The following SLC9A9 variants were observed in gnomAD, a reference collection of about 807,000 sequenced individuals.
SLC9A9 encodes sodium/hydrogen exchanger 9.
A neutral mutation model predicts 77.8 loss-of-function variants in SLC9A9; 62 were observed. The observed-to-expected ratio is 0.80, with a 90% confidence interval of 0.65 to 0.98. The LOEUF (loss-of-function observed/expected upper bound fraction) is 0.98. SLC9A9 is among the 50% of genes least tolerant of loss of function. The pLI is 0.00. For synonymous variants in SLC9A9, 320 were observed against 283.5 expected (o/e 1.13, Z -1.29); for missense variants, 775 against 774.9 (o/e 1.00, Z 0.00).
Position 143,713,404 on chromosome 3 carries a change from C to T in SLC9A9, c.534-20097G>A, listed in dbSNP as rs141731554. On this transcript the variant is annotated intron_variant, in intron 4 of 15. Coordinates refer to ENST00000316549, the MANE Select transcript of SLC9A9 (RefSeq NM_173653.4). ...CTGTGTTTGCTGGCTGGGAGAAACC[C>T]AAGAAGGAACATGGTATCCAGAGTT... Among the ~76,000 whole-genome samples, 827 of 152,134 alleles carry T rather than the reference C, an allele frequency of 5.4e-3. 4 individuals are homozygous for T. Among genetic ancestry groups the T allele is most frequent in the African/African-American group, 0.017 (703 of 41,484 alleles).
intron 9 of SLC9A9, among the ~76,000 whole-genome samples, chr3:143,511,381 A>T (rs2036113195): frequency 6.6e-6 from 1 of 152,134 alleles, no homozygotes; most frequent in East Asian, 1.9e-4. Context: ...GCTTCCTCTC[A>T]GTTATGCAGT....
intron 5 of SLC9A9, among the ~76,000 whole-genome samples, chr3:143,665,838 T>A (rs978714309): frequency 6.6e-6 from 1 of 152,118 alleles, no homozygotes; most frequent in African/African-American, 2.4e-5. Context: ...AGGCAATAAT[T>A]AATAGCCTAC....
At chr3:143,396,515 C>G (rs1414544192) in intron 12 of SLC9A9, among the ~76,000 whole-genome samples, 2 of 152,118 alleles carry the variant, frequency 1.3e-5, no homozygotes, top group Admixed American at 1.3e-4. Context: ...ATGGGTGCAG[C>G]ACACCAACGT....
At chr3:143,647,458 G>A (rs2038724552) in intron 6 of SLC9A9, among the ~76,000 whole-genome samples, 1 of 152,102 alleles carries the variant, frequency 6.6e-6, no homozygotes, top group African/African-American at 2.4e-5. Flanking sequence ...ATCACCTGAA[G>A]AAGAATACAT....
intron 5 of SLC9A9, among the ~76,000 whole-genome samples, chr3:143,690,693 T>C (rs929943683): frequency 2.6e-5 from 4 of 152,142 alleles, no homozygotes; most frequent in Non-Finnish European, 4.4e-5. Flanking sequence ...AATCCATGTG[T>C]TCATAATGAT....
intron 14 of SLC9A9, among the ~76,000 whole-genome samples, chr3:143,346,702 A>G (rs2032290182): frequency 6.6e-6 from 1 of 152,174 alleles, no homozygotes; most frequent in East Asian, 1.9e-4. Context: ...GTGAGGCACA[A>G]AAATCATTTG....
chr3:143,303,386 TGAGGGAAG>T (rs1160918506), intron 14 of SLC9A9, among the ~76,000 whole-genome samples: 45 of 151,310 alleles, frequency 3.0e-4, no homozygotes, highest in South Asian at 1.7e-3. Context: ...TTTTTTTTTT[TGAGGGAAG>T]GAGGGAAGGA....
chr3:143,335,634 T>G (rs946995567), intron 14 of SLC9A9, among the ~76,000 whole-genome samples: 1 of 152,118 alleles, frequency 6.6e-6, no homozygotes, highest in South Asian at 2.1e-4. Flanking sequence ...CAAATGATCT[T>G]TGATGAGTCA....
chr3:143,539,123 T>C (rs1388910854), intron 9 of SLC9A9, among the ~76,000 whole-genome samples: 2 of 152,212 alleles, frequency 1.3e-5, no homozygotes, highest in Non-Finnish European at 2.9e-5. Context: ...GAGGCAGGTC[T>C]ATCATAACAG....
intron 4 of SLC9A9, among the ~76,000 whole-genome samples, chr3:143,791,571 G>A (rs148418664): frequency 1.2e-3 from 180 of 152,284 alleles, no homozygotes; most frequent in African/African-American, 4.3e-3. Context: ...CTCTGGCACT[G>A]CTACATGAAA....
intron 2 of SLC9A9, among the ~76,000 whole-genome samples, chr3:143,813,988 A>G (rs761884966): frequency 5.3e-5 from 8 of 152,192 alleles, no homozygotes; most frequent in South Asian, 4.1e-4. Flanking sequence ...GTTGCGATAG[A>G]ATGGAAAGAA....
At chr3:143,513,491 T>A (rs2036152277) in intron 9 of SLC9A9, among the ~76,000 whole-genome samples, 1 of 152,214 alleles carries the variant, frequency 6.6e-6, no homozygotes, top group South Asian at 2.1e-4. Context: ...CTCAAAATCA[T>A]CCATGAGGGT....
chr3:143,742,136 C>T (rs978700573), intron 4 of SLC9A9, among the ~76,000 whole-genome samples: 1 of 152,074 alleles, frequency 6.6e-6, no homozygotes, highest in Non-Finnish European at 1.5e-5. Context: ...GATCAGCTGG[C>T]ACCACCCAGA....
chr3:143,836,591 T>A (rs2009575025), intron 1 of SLC9A9, among the ~76,000 whole-genome samples: 1 of 152,130 alleles, frequency 6.6e-6, no homozygotes, highest in Non-Finnish European at 1.5e-5. Flanking sequence ...TAGCATGATG[T>A]TTGTGAGAGA....
At chr3:143,505,229 G>T (rs2035991801) in intron 9 of SLC9A9, among the ~76,000 whole-genome samples, 1 of 151,870 alleles carries the variant, frequency 6.6e-6, no homozygotes, top group African/African-American at 2.4e-5. Flanking sequence ...CTCTCTCCCT[G>T]CCCCCAAAAA....
intron 14 of SLC9A9, among the ~76,000 whole-genome samples, chr3:143,286,179 T>G (rs1168704729): frequency 6.6e-6 from 1 of 152,320 alleles, no homozygotes; most frequent in East Asian, 1.9e-4. Flanking sequence ...CTAGTTATTT[T>G]CTCCTAATTG....
intron 5 of SLC9A9, among the ~76,000 whole-genome samples, chr3:143,659,101 C>A (rs1224145107): frequency 6.6e-6 from 1 of 152,068 alleles, no homozygotes; most frequent in South Asian, 2.1e-4. Flanking sequence ...GATGACTCAC[C>A]CCTTCATACA....
At chr3:143,768,169 A>C (rs1397530130) in intron 4 of SLC9A9, among the ~76,000 whole-genome samples, 1 of 152,078 alleles carries the variant, frequency 6.6e-6, no homozygotes, top group Admixed American at 6.6e-5. Context: ...CCCAGGGTAC[A>C]CATATCAGGG....
At chr3:143,786,068 G>A (rs1285186869) in intron 4 of SLC9A9, among the ~76,000 whole-genome samples, 1 of 151,650 alleles carries the variant, frequency 6.6e-6, no homozygotes, top group Non-Finnish European at 1.5e-5. Flanking sequence ...TGTTAGCCAG[G>A]ATGGTCTCGA....
Sources: allele counts gnomAD v4.1 joint callset (sites outside exome capture counted in the v4.1 genomes callset), GRCh38; gene constraint gnomAD v4.1.1; transcripts MANE v1.5; gene names NCBI Gene and HGNC (gene_info 2026-07-23, HGNC 2026-07-21).